Variants in GPC6 observed in about 807,000 individuals in gnomAD.
GPC6 encodes glypican 6, also known as glypican-6.
GPC6 carries 14 observed loss-of-function variants against 55.2 expected under a neutral mutation model. The ratio of observed to expected loss-of-function variants is 0.25; its 90% confidence interval spans 0.17 to 0.40. The LOEUF is 0.40. Ranked by LOEUF, GPC6 falls within the 10% of genes least tolerant of loss-of-function variation. GPC6 has a pLI of 1.00. For synonymous variants in GPC6, 278 were observed against 259.6 expected, an observed-to-expected ratio of 1.07 and a Z score of -0.68; for missense variants, 641 against 708.5, an observed-to-expected ratio of 0.90 and a Z score of 1.08.
rs374830889 is a variant in GPC6, at chr13:93,227,636, A to C, written c.160+20A>C. On this transcript the variant is annotated intron_variant, in intron 1 of 8. Transcript: ENST00000377047. This position sits in a 1 kb window ranked among gnomAD's most constrained non-coding sequence, Gnocchi z 4.3. ...TCGCAGGTAAGCGCGGGCGCGCTGC[A>C]GGGGCAGGCTGCAGCCCTCGGCTGC... is the stretch of plus-strand genomic sequence containing the variant. 3 of 1,582,276 alleles carry C rather than the reference A, an allele frequency of 1.9e-6. No homozygotes were observed. In the African/African-American group the frequency reaches 4.0e-5, roughly 21 times the overall value.
intron 1 of GPC6, among the ~76,000 whole-genome samples, chr13:93,528,327 G>A (rs1881730150): frequency 6.6e-6 from 1 of 152,188 alleles, no homozygotes; most frequent in Non-Finnish European, 1.5e-5. Flanking sequence ...CTGTGGGACT[G>A]CAACTGCAAT....
At chr13:93,315,543 TA>T (rs1224771341) in intron 1 of GPC6, among the ~76,000 whole-genome samples, 2 of 152,108 alleles carry the variant, frequency 1.3e-5, no homozygotes, top group South Asian at 2.1e-4. Flanking sequence ...AATGATTAAC[TA>T]TTTTTTTGAC....
At chr13:93,505,779 CAT>C (rs1214931578) in intron 1 of GPC6, among the ~76,000 whole-genome samples, 5 of 152,154 alleles carry the variant, frequency 3.3e-5, no homozygotes, top group Non-Finnish European at 7.3e-5. Flanking sequence ...CAGCTGGGAA[CAT>C]GTGTATCAGA....
chr13:94,016,838 C>CTT (rs144997234), intron 3 of GPC6, among the ~76,000 whole-genome samples: 31 of 143,684 alleles, frequency 2.2e-4, no homozygotes, highest in Admixed American at 1.0e-3. Context: ...AAACAGTTTT[C>CTT]TTTTTTTTTT....
At chr13:93,926,519 T>C (rs946764616) in intron 3 of GPC6, among the ~76,000 whole-genome samples, 4 of 152,180 alleles carry the variant, frequency 2.6e-5, no homozygotes, top group Admixed American at 6.5e-5. Flanking sequence ...TGGGTAAAAA[T>C]TGCTTAGGGC....
intron 2 of GPC6, among the ~76,000 whole-genome samples, chr13:93,798,559 T>G (rs1886272151): frequency 6.6e-6 from 1 of 152,174 alleles, no homozygotes; most frequent in Non-Finnish European, 1.5e-5. Flanking sequence ...ACAGACATGC[T>G]ATACCTTCCC....
At chr13:93,247,541 T>C (rs1340683682) in intron 1 of GPC6, among the ~76,000 whole-genome samples, 2 of 152,210 alleles carry the variant, frequency 1.3e-5, no homozygotes, top group African/African-American at 2.4e-5. Flanking sequence ...TCTTATTCAA[T>C]ATTCTTTCAC....
At chr13:93,224,448 C>G (rs928420862), upstream of GPC6, among the ~76,000 whole-genome samples, 1 of 152,180 alleles carries the variant, frequency 6.6e-6, no homozygotes, top group Non-Finnish European at 1.5e-5. Context: ...CCTGCCTCGG[C>G]CTTCCAAAGT....
intron 1 of GPC6, among the ~76,000 whole-genome samples, chr13:93,253,994 A>G (rs7989431): frequency 0.042 from 6,357 of 152,248 alleles, 244 homozygotes; most frequent in East Asian, 0.18. Flanking sequence ...TCATATACCA[A>G]CATTCCTTTA....
intron 3 of GPC6, among the ~76,000 whole-genome samples, chr13:93,990,671 A>G (rs931651871): frequency 1.3e-5 from 2 of 151,414 alleles, no homozygotes; most frequent in African/African-American, 4.9e-5. Flanking sequence ...AGCCTGGGCA[A>G]CATAGCAAGA....
chr13:94,342,775 C>T (rs1423862917), intron 6 of GPC6, among the ~76,000 whole-genome samples: 1 of 152,136 alleles, frequency 6.6e-6, no homozygotes, highest in Non-Finnish European at 1.5e-5. Flanking sequence ...TTGCCTCCTG[C>T]ACCTCGGGGT....
intron 1 of GPC6, among the ~76,000 whole-genome samples, chr13:93,233,711 G>A (rs1486579239): frequency 6.6e-6 from 1 of 152,168 alleles, no homozygotes; most frequent in Non-Finnish European, 1.5e-5. Flanking sequence ...CAGGAGTGTG[G>A]AAGGGGCACA....
chr13:94,357,243 AAACT>A (rs1480538281), intron 6 of GPC6, among the ~76,000 whole-genome samples: 3 of 152,140 alleles, frequency 2.0e-5, no homozygotes, highest in African/African-American at 7.2e-5. Context: ...CAGTTGCACC[AAACT>A]AACTACTTTC....
intron 1 of GPC6, among the ~76,000 whole-genome samples, chr13:93,364,071 T>C (rs28428941): frequency 6.6e-6 from 1 of 152,162 alleles, no homozygotes; most frequent in Non-Finnish European, 1.5e-5. Flanking sequence ...AAAATTTTCT[T>C]CCATTCTGCA....
chr13:93,278,313 CA>C (rs1332276491), intron 1 of GPC6, among the ~76,000 whole-genome samples: 2 of 152,116 alleles, frequency 1.3e-5, no homozygotes, highest in African/African-American at 2.4e-5. Flanking sequence ...CCATCTTAAC[CA>C]TTTTTAAGTG....
intron 4 of GPC6, among the ~76,000 whole-genome samples, chr13:94,082,194 G>A (rs1169403224): frequency 6.6e-6 from 1 of 152,012 alleles, no homozygotes; most frequent in East Asian, 1.9e-4. Context: ...AATGAGACTT[G>A]CATATCCTTA....
intron 7 of GPC6, among the ~76,000 whole-genome samples, chr13:94,391,935 G>A (rs1380345611): frequency 6.6e-6 from 1 of 152,082 alleles, no homozygotes; most frequent in Non-Finnish European, 1.5e-5. Context: ...TTACTATAAT[G>A]TCCTCAAGGT....
At chr13:93,613,180 T>C (rs1011832578) in intron 2 of GPC6, among the ~76,000 whole-genome samples, 7 of 152,210 alleles carry the variant, frequency 4.6e-5, no homozygotes, top group African/African-American at 1.4e-4. Context: ...CCCTCTTTAC[T>C]ATCTCTTCCT....
chr13:93,743,892 A>G (rs1239564924), intron 2 of GPC6, among the ~76,000 whole-genome samples: 1 of 152,196 alleles, frequency 6.6e-6, no homozygotes, highest in Admixed American at 6.5e-5. Context: ...AATACTGAGC[A>G]GAAGGTTTTT....
Sources: gnomAD v4.1 joint callset for allele counts (sites outside exome capture counted in the v4.1 genomes callset) on GRCh38, gnomAD v4.1.1 for gene constraint, Gnocchi (gnomAD v3.1) non-coding constraint, MANE v1.5 for transcripts, NCBI Gene and HGNC (gene_info 2026-07-23, HGNC 2026-07-21) for gene names.